NRP2: variants seen among roughly 807,000 people sequenced by gnomAD.
NRP2 encodes the protein neuropilin 2.
NRP2 carries 52 observed loss-of-function variants against 110.4 expected under a neutral mutation model. The ratio of observed to expected loss-of-function variants is 0.47; its 90% CI spans 0.38 to 0.59. The LOEUF is 0.59. Ranked by LOEUF, NRP2 falls within the 20% of genes least tolerant of loss-of-function variation. The pLI, the probability that NRP2 is intolerant of heterozygous loss-of-function variation, is 0.00. For synonymous variants in NRP2, 508 were observed against 468.9 expected, an observed-to-expected ratio of 1.08 and a Z score of -1.08; for missense variants, 1,049 against 1,203.0, an observed-to-expected ratio of 0.87 and a Z score of 1.89.
rs748538264 is a variant in NRP2, at chr2:205,743,385, C to A, written c.1474C>A (p.Leu492Met). Reference sequence around the variant, plus strand: ...CGGTGAGGAGTGGCTTCAGGTAGATCTGGGAACACCCAAGACAGTGAAAGG... The same window carrying A: ...CGGTGAGGAGTGGCTTCAGGTAGATATGGGAACACCCAAGACAGTGAAAGG... ...QPGEEWLQVDLGTPKTVKGVI... is the reference protein window; with the variant it reads ...QPGEEWLQVDMGTPKTVKGVI... The change falls in exon 9 of 17, where the codon CTG becomes ATG. Residue 492 changes from leucine (L) to methionine (M), a missense_variant. By Grantham distance (15) the Leu-to-Met change is conservative. Coordinates refer to ENST00000357785, the MANE Select transcript of NRP2 (RefSeq NM_003872.3). The A allele has an allele frequency of 5.0e-6, 8 of 1,614,240 alleles. 1 individual carries two copies. The South Asian group carries it at 8.8e-5, about 18-fold the overall frequency.
intron 7 of NRP2, among the ~76,000 whole-genome samples, chr2:205,739,175 C>T (rs995675935): frequency 2.0e-5 from 3 of 152,164 alleles, no homozygotes; most frequent in African/African-American, 7.2e-5. Context: ...TGCCTGGAGA[C>T]TTTAAGGGCC....
At chr2:205,766,828 A>AT in intron 15 of NRP2, 25 bp downstream of exon 15, 1 of 1,609,138 alleles carries the variant, frequency 6.2e-7, no homozygotes, top group Non-Finnish European at 8.5e-7. Context: ...GGTAAAAAAA[A>AT]ATTTTTTTTT....
In NRP2 at chr2:205,722,641, C is replaced by A; in HGVS notation, c.597C>A (p.Asp199Glu). ...LQFLIFDLEH[D>E]PLQVGEGDCK... Reference sequence around the variant, plus strand: ...TCCTGATCTTTGACCTGGAGCATGACCCTTTGCAGGTGGGAGAGGGGGACT... The same window carrying A: ...TCCTGATCTTTGACCTGGAGCATGAACCTTTGCAGGTGGGAGAGGGGGACT... Residue 199 changes from aspartate (D) to glutamate (E), a missense_variant, in exon 4 of 17, where the codon GAC becomes GAA. Physicochemically the swap from Asp to Glu is conservative, Grantham distance 45. Transcript: ENST00000357785. 6.2e-7 allele frequency: 1 copy of A among 1,614,208 alleles called. No homozygotes were observed. Among genetic ancestry groups the A allele is most frequent in the Non-Finnish European group, 8.5e-7 (1 of 1,180,042 alleles).
At chr2:205,749,365 G>T (rs1321547752) in intron 10 of NRP2, among the ~76,000 whole-genome samples, 1 of 152,202 alleles carries the variant, frequency 6.6e-6, no homozygotes, top group Non-Finnish European at 1.5e-5. Flanking sequence ...CGTCCATCCA[G>T]TTTTGTGCAA....
At chr2:205,747,466 C>T (rs1575620752) in intron 10 of NRP2, among the ~76,000 whole-genome samples, 1 of 152,184 alleles carries the variant, frequency 6.6e-6, no homozygotes, top group South Asian at 2.1e-4. Flanking sequence ...ACCCAGCAAA[C>T]CTGTTATGAT....
At chr2:205,688,958 T>C (rs577416244) in intron 1 of NRP2, among the ~76,000 whole-genome samples, 1 of 152,192 alleles carries the variant, frequency 6.6e-6, no homozygotes, top group African/African-American at 2.4e-5. Flanking sequence ...GCCTAGGGTT[T>C]CCAGAACACA....
chr2:205,687,811 C>T (rs964433577), intron 1 of NRP2, among the ~76,000 whole-genome samples: 16 of 152,108 alleles, frequency 1.1e-4, no homozygotes, highest in African/African-American at 3.6e-4. Context: ...TTCCTATCTT[C>T]CAGGCATAGA....
chr2:205,700,577 C>CTG (rs915969674), intron 2 of NRP2: 3 of 371,594 alleles, frequency 8.1e-6, no homozygotes, highest in African/African-American at 6.3e-5. Context: ...TTATCCTGGG[C>CTG]TGTGGCCCCT....
intron 15 of NRP2, among the ~76,000 whole-genome samples, chr2:205,787,718 C>CTG (rs60558986): frequency 0.042 from 6,047 of 144,098 alleles, 171 homozygotes; most frequent in African/African-American, 0.088. Context: ...AAAAAAGTGT[C>CTG]TGTGTGTGTG....
intron 2 of NRP2, among the ~76,000 whole-genome samples, chr2:205,699,132 G>A (rs1432266229): frequency 6.6e-6 from 1 of 152,238 alleles, no homozygotes; most frequent in Admixed American, 6.5e-5. Flanking sequence ...TCTAATCCCA[G>A]ATCCACTCTT....
chr2:205,740,785 C>A, intron 8 of NRP2, 122 bp downstream of exon 8: 1 of 1,100,280 alleles, frequency 9.1e-7, no homozygotes, highest in South Asian at 1.5e-5. Flanking sequence ...GGCTCAAGGA[C>A]TCAAGTCCTA....
chr2:205,792,721 A>G (rs1054908828), intron 16 of NRP2, among the ~76,000 whole-genome samples: 1 of 152,144 alleles, frequency 6.6e-6, no homozygotes, highest in African/African-American at 2.4e-5. Context: ...TCCTCACACT[A>G]TTCAAGATTC....
intron 15 of NRP2, among the ~76,000 whole-genome samples, chr2:205,774,467 G>C (rs189245997): frequency 1.3e-5 from 2 of 152,178 alleles, no homozygotes; most frequent in South Asian, 4.1e-4. Context: ...TACCCCAGGG[G>C]TTGTGGATGT....
intron 15 of NRP2, among the ~76,000 whole-genome samples, chr2:205,789,452 A>C (rs905339726): frequency 6.6e-6 from 1 of 152,162 alleles, no homozygotes; most frequent in African/African-American, 2.4e-5. Flanking sequence ...CCACCCACTA[A>C]AACAGAGTCC....
Position 205,716,376 on chromosome 2 carries a change from T to TCAGTGTGGTCACACGTAGGG in NRP2, c.433+3_433+22dup. On this transcript the variant is annotated splice_region_variant and intron_variant, in intron 3 of 16. Transcript: ENST00000357785. ...TGCGCTACGAGATCTTCAAGACAGG[T>TCAGTGTGGTCACACGTAGGG]CAGTGTGGTCACACGTAGGGGCCGG... The TCAGTGTGGTCACACGTAGGG allele has an allele frequency of 6.2e-7, 1 of 1,612,000 alleles. No homozygotes were observed. The highest frequency in any genetic ancestry group is 8.5e-7 in the Non-Finnish European group (1 of 1,179,604).
chr2:205,751,707 A>T (rs529652135), intron 11 of NRP2, among the ~76,000 whole-genome samples: 1 of 152,108 alleles, frequency 6.6e-6, no homozygotes, highest in Non-Finnish European at 1.5e-5. Context: ...TAGGGTGAGT[A>T]ATTTGTTTCT....
At chr2:205,792,344 T>C (rs568121300) in intron 16 of NRP2, 59 bp downstream of exon 16, 24 of 1,258,974 alleles carry the variant, frequency 1.9e-5, no homozygotes, top group East Asian at 2.3e-5. Context: ...TATAAAGGTG[T>C]CAACAAAAAT....
intron 7 of NRP2, among the ~76,000 whole-genome samples, chr2:205,734,484 T>C (rs1435496291): frequency 1.4e-5 from 2 of 143,972 alleles, no homozygotes; most frequent in East Asian, 2.3e-4. Context: ...ATGGCATTCA[T>C]TGATTAGCAA....
At chr2:205,756,013 T>C (rs1339306870) in intron 12 of NRP2, among the ~76,000 whole-genome samples, 1 of 152,124 alleles carries the variant, frequency 6.6e-6, no homozygotes, top group African/African-American at 2.4e-5. Flanking sequence ...TTTTCTTTCT[T>C]TTTTTTTCCT....
Sources: allele counts gnomAD v4.1 joint callset (sites outside exome capture counted in the v4.1 genomes callset), GRCh38; gene constraint gnomAD v4.1.1; transcripts MANE v1.5; gene names NCBI Gene and HGNC (gene_info 2026-07-23, HGNC 2026-07-21).